The following PLXDC2 variants were observed in gnomAD, a reference collection of about 807,000 sequenced individuals.
The protein encoded by PLXDC2 is plexin domain-containing protein 2.
In PLXDC2, 40 loss-of-function variants were observed where a neutral mutation model predicts 68.9. The ratio of observed to expected loss-of-function variants is 0.58; its 90% CI spans 0.45 to 0.76. PLXDC2 has a LOEUF of 0.76. PLXDC2 is among the 30% of genes least tolerant of loss of function. The pLI is 0.00. For missense variants in PLXDC2, 644 were observed against 661.9 expected, an observed-to-expected ratio of 0.97 and a Z score of 0.30; for synonymous variants, 243 against 234.2, an observed-to-expected ratio of 1.04 and a Z score of -0.34.
intron 13 of PLXDC2, among the ~76,000 whole-genome samples, chr10:20,259,202 G>T (rs1005333609): frequency 6.6e-6 from 1 of 151,900 alleles, no homozygotes; most frequent in Non-Finnish European, 1.5e-5. Flanking sequence ...CAGAACAATT[G>T]CCTTTTTTTT....
chr10:19,993,807 T>C (rs2131630912), intron 1 of PLXDC2, among the ~76,000 whole-genome samples: 1 of 152,276 alleles, frequency 6.6e-6, no homozygotes, highest in Non-Finnish European at 1.5e-5. Flanking sequence ...TTGCCAAATG[T>C]TTTTCACCAA....
intron 2 of PLXDC2, among the ~76,000 whole-genome samples, chr10:20,035,968 C>A (rs1052140823): frequency 2.0e-5 from 3 of 152,056 alleles, no homozygotes; most frequent in Non-Finnish European, 2.9e-5. Context: ...AGAAATAGAT[C>A]AAGACAGATA....
chr10:20,044,594 G>A (rs1835765161), intron 2 of PLXDC2, among the ~76,000 whole-genome samples: 1 of 151,986 alleles, frequency 6.6e-6, no homozygotes, highest in South Asian at 2.1e-4. Context: ...ACAGGCATGA[G>A]CCACCGCGTC....
chr10:20,024,566 T>C (rs1304250777), intron 2 of PLXDC2, among the ~76,000 whole-genome samples: 1 of 152,180 alleles, frequency 6.6e-6, no homozygotes, highest in African/African-American at 2.4e-5. Context: ...ATAACTTTTG[T>C]TCTTGTTTTT....
At chr10:20,134,521 G>T (rs567790725) in intron 4 of PLXDC2, among the ~76,000 whole-genome samples, 2 of 152,116 alleles carry the variant, frequency 1.3e-5, no homozygotes, top group Admixed American at 1.3e-4. Flanking sequence ...CTAACCTGGT[G>T]CCTGGGTCTG....
At chr10:20,193,660 AAGTC>A (rs1265288879) in intron 9 of PLXDC2, among the ~76,000 whole-genome samples, 1 of 152,082 alleles carries the variant, frequency 6.6e-6, no homozygotes, top group Non-Finnish European at 1.5e-5. Context: ...CTGAAATTCT[AAGTC>A]AGTTTCAGGA....
At chr10:20,004,423 G>A (rs1188669103) in intron 2 of PLXDC2, among the ~76,000 whole-genome samples, 3 of 152,102 alleles carry the variant, frequency 2.0e-5, no homozygotes, top group Non-Finnish European at 4.4e-5. Context: ...ACTTGGGGTA[G>A]GCAACATAAT....
chr10:20,023,330 A>G (rs558655113), intron 2 of PLXDC2, among the ~76,000 whole-genome samples: 150 of 152,090 alleles, frequency 9.9e-4, no homozygotes, highest in African/African-American at 3.4e-3. Context: ...GATCTAAAAC[A>G]TTTCTCGATG....
chr10:20,250,271 CAAAAAAAAA>C (rs35463564), intron 13 of PLXDC2, among the ~76,000 whole-genome samples: 2 of 108,470 alleles, frequency 1.8e-5, no homozygotes, highest in Admixed American at 2.2e-4. Flanking sequence ...GATCCTGTTT[CAAAAAAAAA>C]AAAAAAAAAA....
rs531533815 is a variant in PLXDC2, at chr10:19,932,597, AC to A, written c.113-69176del. Among the ~76,000 whole-genome samples, 1,177 of 152,296 alleles carry A rather than the reference AC, an allele frequency of 7.7e-3. 21 individuals carry two copies. The highest frequency in any genetic ancestry group is 0.027 in the African/African-American group (1,121 of 41,560). ...TATGTTTTCTTCTGCAAAGCAAGAC[AC>A]CAACCATATGTACTGGCAATGGAAG... On this transcript the variant is annotated intron_variant, in intron 1 of 13. Transcript: ENST00000377252.
chr10:19,935,701 G>A (rs1423461055), intron 1 of PLXDC2, among the ~76,000 whole-genome samples: 3 of 152,154 alleles, frequency 2.0e-5, no homozygotes, highest in Non-Finnish European at 4.4e-5. Flanking sequence ...TCACAATAAT[G>A]ACAATGAAGT....
intron 12 of PLXDC2, among the ~76,000 whole-genome samples, chr10:20,231,055 A>C (rs1238773540): frequency 6.6e-6 from 1 of 151,930 alleles, no homozygotes; most frequent in East Asian, 1.9e-4. Flanking sequence ...TAAGTATATG[A>C]GGTGAATAGA....
At chr10:20,100,875 C>A (rs1311448044) in intron 4 of PLXDC2, among the ~76,000 whole-genome samples, 1 of 143,410 alleles carries the variant, frequency 7.0e-6, no homozygotes, top group Non-Finnish European at 1.5e-5. Flanking sequence ...ATCATATCTA[C>A]CCATGCTAAA....
At chr10:19,910,137 G>A (rs916978124) in intron 1 of PLXDC2, among the ~76,000 whole-genome samples, 5 of 150,016 alleles carry the variant, frequency 3.3e-5, no homozygotes, top group African/African-American at 1.2e-4. Context: ...CCAGGGACAG[G>A]ACGTAACAGT....
At chr10:20,212,897 A>G (rs1334799085) in intron 10 of PLXDC2, among the ~76,000 whole-genome samples, 2 of 151,722 alleles carry the variant, frequency 1.3e-5, no homozygotes, top group Non-Finnish European at 2.9e-5. Context: ...TTTCTTTCAT[A>G]TAATCAGTTA....
chr10:19,999,589 A>G (rs924607783), intron 1 of PLXDC2, among the ~76,000 whole-genome samples: 5 of 152,106 alleles, frequency 3.3e-5, no homozygotes, highest in Admixed American at 1.3e-4. Context: ...TGGTTCCTAC[A>G]TGACTCTTTG....
intron 5 of PLXDC2, among the ~76,000 whole-genome samples, chr10:20,146,220 A>T (rs1005500743): frequency 2.6e-5 from 4 of 152,192 alleles, no homozygotes; most frequent in African/African-American, 4.8e-5. Flanking sequence ...TGTGTGAAGG[A>T]AAAAGAAGTT....
chr10:19,871,499 C>A (rs1837533244), intron 1 of PLXDC2, among the ~76,000 whole-genome samples: 1 of 152,064 alleles, frequency 6.6e-6, no homozygotes, highest in Non-Finnish European at 1.5e-5. Context: ...CAGTGAGGAC[C>A]ATCCTGATAT....
At chr10:19,969,894 C>T (rs1465547330) in intron 1 of PLXDC2, among the ~76,000 whole-genome samples, 3 of 152,184 alleles carry the variant, frequency 2.0e-5, no homozygotes, top group Admixed American at 6.5e-5. Flanking sequence ...TCAAATAAAA[C>T]ATACTGCATA....
Sources: gnomAD v4.1 joint callset for allele counts (sites outside exome capture counted in the v4.1 genomes callset) on GRCh38, gnomAD v4.1.1 for gene constraint, MANE v1.5 for transcripts, NCBI Gene and HGNC (gene_info 2026-07-23, HGNC 2026-07-21) for gene names.